The following NDST1 variants were observed in gnomAD, a reference collection of about 807,000 sequenced individuals.
The protein encoded by NDST1 is bifunctional heparan sulfate N-deacetylase/N-sulfotransferase 1.
A neutral mutation model predicts 92.8 loss-of-function variants in NDST1; 35 were observed. That is an observed-to-expected ratio of 0.38 (90% CI 0.29 to 0.50). The LOEUF (loss-of-function observed/expected upper bound fraction) is 0.50, where lower values mean the gene tolerates loss of function less well. NDST1 is among the 20% of genes least tolerant of loss of function. The pLI is 0.94. For synonymous variants in NDST1, 493 were observed against 500.3 expected (o/e 0.99, Z 0.19); for missense variants, 822 against 1,182.7 (o/e 0.69, Z 4.47).
chr5:150,548,117 C>T, intron 11 of NDST1, 101 bp from the exon 12 acceptor site: 4 of 1,406,608 alleles, frequency 2.8e-6, no homozygotes, highest in Non-Finnish European at 3.9e-6. Flanking sequence ...CTCCTGGGTC[C>T]AGCTGAGGAT....
intron 11 of NDST1, among the ~76,000 whole-genome samples, chr5:150,546,888 G>A (rs1221237848): frequency 1.3e-5 from 2 of 152,220 alleles, no homozygotes; most frequent in East Asian, 1.9e-4. Flanking sequence ...GAAGAAAACC[G>A]AGAAACACTT....
At chr5:150,543,932 A>C (rs1405242083) in intron 10 of NDST1, among the ~76,000 whole-genome samples, 1 of 152,102 alleles carries the variant, frequency 6.6e-6, no homozygotes, top group Non-Finnish European at 1.5e-5. Context: ...GGTGCCCGCC[A>C]CCATGCCTGG....
chr5:150,521,356 G>A lies in NDST1; in HGVS notation c.102G>A (p.Ser34=), dbSNP rs140764918. Residue 34 remains serine, a synonymous_variant, in exon 2 of 15, where the codon TCG becomes TCA. Coordinates refer to ENST00000261797, the MANE Select transcript of NDST1 (RefSeq NM_001543.5). This position sits in a 1 kb window ranked among gnomAD's most constrained non-coding sequence, Gnocchi z 5.9. ...TCTGCCTGTTCAGCGTTTTCATCTC[G>A]GCCTACTACCTATATGGCTGGAAGC... ...FIFCLFSVFI[S]AYYLYGWKRG... 5.3e-5 allele frequency: 85 copies of A among 1,613,494 alleles called. No individual in the cohort carries two copies. In the African/African-American group the frequency reaches 5.7e-4, roughly 11 times the overall value.
intron 3 of NDST1, among the ~76,000 whole-genome samples, chr5:150,528,734 G>A (rs1754585359): frequency 6.6e-6 from 1 of 152,220 alleles, no homozygotes; most frequent in Non-Finnish European, 1.5e-5. Context: ...GGTGGAGGTT[G>A]CAGTGAGCCG....
intron 1 of NDST1, among the ~76,000 whole-genome samples, chr5:150,520,047 T>C (rs1241614852): frequency 6.6e-6 from 1 of 152,136 alleles, no homozygotes; most frequent in Non-Finnish European, 1.5e-5. Context: ...TCATCTGTTG[T>C]CCTGGGCTGC....
At chr5:150,541,492 GC>G in intron 8 of NDST1, 77 bp from the exon 9 acceptor site, 1 of 1,274,226 alleles carries the variant, frequency 7.8e-7, no homozygotes, top group Non-Finnish European at 1.1e-6. Flanking sequence ...GGCTGTAAGG[GC>G]CACATATCCA....
chr5:150,525,378 G>A (rs1394051279), intron 2 of NDST1, among the ~76,000 whole-genome samples: 2 of 152,210 alleles, frequency 1.3e-5, no homozygotes, highest in Non-Finnish European at 2.9e-5. Context: ...CAGCACCCGC[G>A]GTCCAGTGTG....
At chr5:150,518,852 C>G (rs1043817723) in intron 1 of NDST1, 1 of 152,082 alleles carries the variant, frequency 6.6e-6, no homozygotes, top group African/African-American at 2.4e-5. Flanking sequence ...TCTCGGCTCA[C>G]TGCACCCTCC....
intron 3 of NDST1, 48 bp from the exon 4 acceptor site, chr5:150,532,897 A>T: frequency 6.5e-7 from 1 of 1,530,196 alleles, no homozygotes; most frequent in Non-Finnish European, 9.1e-7. Context: ...AAAAGCAGGG[A>T]GCTCCTGGCT....
chr5:150,519,758 T>C (rs1754153835), intron 1 of NDST1, among the ~76,000 whole-genome samples: 1 of 152,158 alleles, frequency 6.6e-6, no homozygotes, highest in Non-Finnish European at 1.5e-5. Context: ...GTGACTTCAT[T>C]ACTATTTAAG....
rs1194620710 is a variant in NDST1, at chr5:150,558,133, G to A, written c.*4801G>A. Reference sequence around the variant, plus strand: ...GAGGGCTCTCGAACCAGCCGTTTTGGGTTGTGTTAAAGGTGAGACCTTCCT... The same window carrying A: ...GAGGGCTCTCGAACCAGCCGTTTTGAGTTGTGTTAAAGGTGAGACCTTCCT... On this transcript the variant is annotated 3_prime_UTR_variant, in exon 15 of 15. Transcript: ENST00000261797. 1 of 152,582 alleles carries A rather than the reference G, an allele frequency of 6.6e-6. No individual in the cohort carries two copies. Among genetic ancestry groups the A allele is most frequent in the African/African-American group, 2.4e-5 (1 of 41,400 alleles). 9.5% of individuals were successfully genotyped at this position (152,582 alleles called of 1,614,324 possible). A position where few individuals can be genotyped will look rare whatever the true frequency, so the allele number is the denominator to read the frequency against.
intron 3 of NDST1, among the ~76,000 whole-genome samples, chr5:150,531,676 T>G (rs1346711807): frequency 6.6e-6 from 1 of 152,046 alleles, no homozygotes; most frequent in Non-Finnish European, 1.5e-5. Flanking sequence ...ATTTTGTATT[T>G]TTAGTAGAGA....
chr5:150,553,739 G>T lies in NDST1; in HGVS notation c.*407G>T. The T allele has an allele frequency of 2.4e-6, 1 of 417,290 alleles. No individual in the cohort carries two copies. Among genetic ancestry groups the T allele is most frequent in the Non-Finnish European group, 4.5e-6 (1 of 222,478 alleles). 25.8% of individuals were successfully genotyped at this position (417,290 alleles called of 1,614,324 possible). On this transcript the variant is annotated 3_prime_UTR_variant, in exon 15 of 15. Coordinates refer to ENST00000261797, the MANE Select transcript of NDST1 (RefSeq NM_001543.5). The surrounding 1 kb of genome is among the most constrained non-coding windows in gnomAD (Gnocchi z 4.2). ...TATGTCCCTGTCCTCCAGGCTGTAG[G>T]GGAGGAGAGCCTGGCCGGGGGAGAC...
intron 2 of NDST1, among the ~76,000 whole-genome samples, chr5:150,525,774 C>T (rs537304394): frequency 2.0e-4 from 30 of 152,164 alleles, no homozygotes; most frequent in Non-Finnish European, 3.5e-4. Flanking sequence ...CACTGACCTG[C>T]GCACCCCTGT....
intron 11 of NDST1, among the ~76,000 whole-genome samples, chr5:150,546,735 G>A (rs1360439808): frequency 6.6e-6 from 1 of 152,248 alleles, no homozygotes; most frequent in Non-Finnish European, 1.5e-5. Context: ...CCGCAGGGCT[G>A]GCACCTGCCT....
At chr5:150,540,978 G>A (rs1308059942) in intron 8 of NDST1, among the ~76,000 whole-genome samples, 3 of 152,354 alleles carry the variant, frequency 2.0e-5, no homozygotes, top group Non-Finnish European at 2.9e-5. Flanking sequence ...CAGTTTTTGG[G>A]AAAGTCTGCT....
rs1199534048 is a variant in NDST1 at position 150,521,591 on chromosome 5, A to T, written c.337A>T (p.Thr113Ser). 6.2e-7 allele frequency: 1 copy of T among 1,613,860 alleles called. No individual in the cohort carries two copies. Among genetic ancestry groups the T allele is most frequent in the East Asian group, 2.2e-5 (1 of 44,882 alleles). The change falls in exon 2 of 15, where the codon ACA (threonine) becomes TCA (serine). Residue 113 changes from threonine (T) to serine (S), a missense_variant. Transcript: ENST00000261797. The surrounding 1 kb of genome is among the most constrained non-coding windows in gnomAD (Gnocchi z 5.9). ...GGAGTCCAGCCGCTTCAAATACCGC[A>T]CAGAGATTGCGCCGGGCAAGGGTGA... ...ILESSRFKYR[T>S]EIAPGKGDMP...
chr5:150,497,862 T>G (rs1184590447), upstream of NDST1: 2 of 152,250 alleles, frequency 1.3e-5, no homozygotes, highest in Non-Finnish European at 2.9e-5. Flanking sequence ...AAAGCTGATA[T>G]GAGGAGGCCC....
intron 1 of NDST1, among the ~76,000 whole-genome samples, chr5:150,514,496 G>A (rs2151258051): frequency 1.3e-5 from 2 of 151,118 alleles, no homozygotes; most frequent in South Asian, 4.2e-4. Flanking sequence ...GGGAGGCGGA[G>A]GTTGCAGTGA....
Sources: gnomAD v4.1 joint callset for allele counts (sites outside exome capture counted in the v4.1 genomes callset) on GRCh38, gnomAD v4.1.1 for gene constraint, Gnocchi (gnomAD v3.1) non-coding constraint, MANE v1.5 for transcripts, NCBI Gene and HGNC (gene_info 2026-07-23, HGNC 2026-07-21) for gene names.